HCN1: variants seen among roughly 807,000 people sequenced by gnomAD.
HCN1 encodes hyperpolarization activated cyclic nucleotide gated potassium channel 1.
In HCN1, 13 loss-of-function variants were observed where a neutral mutation model predicts 78.9. The observed-to-expected ratio is 0.16, with a 90% CI of 0.11 to 0.26. The LOEUF (loss-of-function observed/expected upper bound fraction) is 0.26, where lower values mean the gene tolerates loss of function less well. Ranked by LOEUF, HCN1 falls within the 10% of genes least tolerant of loss-of-function variation. HCN1 has a pLI of 1.00. For missense variants in HCN1, 810 were observed against 1,154.3 expected, an observed-to-expected ratio of 0.70 and a Z score of 4.32; for synonymous variants, 552 against 455.5, an observed-to-expected ratio of 1.21 and a Z score of -2.70.
chr5:45,437,268 A>G (rs1410915741), intron 3 of HCN1, among the ~76,000 whole-genome samples: 1 of 152,208 alleles, frequency 6.6e-6, no homozygotes, highest in African/African-American at 2.4e-5. Flanking sequence ...TATCATAGCC[A>G]TCAACATAAA....
chr5:45,276,752 T>G (rs897357541), intron 6 of HCN1, among the ~76,000 whole-genome samples: 1 of 152,122 alleles, frequency 6.6e-6, no homozygotes, highest in Admixed American at 6.6e-5. Context: ...AGACTTTATG[T>G]AAATTCAAAT....
intron 6 of HCN1, among the ~76,000 whole-genome samples, chr5:45,281,600 T>C (rs1732990752): frequency 7.1e-6 from 1 of 140,712 alleles, no homozygotes; most frequent in African/African-American, 2.7e-5. Flanking sequence ...TTTTTTTTTT[T>C]TTTTTTGAGA....
intron 2 of HCN1, among the ~76,000 whole-genome samples, chr5:45,603,136 C>T (rs1299060603): frequency 6.6e-6 from 1 of 152,064 alleles, no homozygotes; most frequent in Admixed American, 6.6e-5. Context: ...GAAAACACAA[C>T]CTATAATATT....
rs190767320 is a variant in HCN1, at chr5:45,482,649, G to A, written c.850-20642C>T. On this transcript the variant is annotated intron_variant, in intron 2 of 7. Transcript: ENST00000303230. ...TTTGTTTTAGATACAGGGGGTACATGTGCAGGTTTGTTACATTGGAATATT... is the reference window on the plus strand; with the variant it reads ...TTTGTTTTAGATACAGGGGGTACATATGCAGGTTTGTTACATTGGAATATT... Among the ~76,000 whole-genome samples, 36 of 152,192 alleles carry A rather than the reference G, an allele frequency of 2.4e-4. No individual in the cohort carries two copies. The East Asian group carries it at 6.8e-3, about 29-fold the overall frequency.
At chr5:45,477,427 G>A (rs566197011) in intron 2 of HCN1, among the ~76,000 whole-genome samples, 32 of 152,200 alleles carry the variant, frequency 2.1e-4, no homozygotes, top group Non-Finnish European at 2.6e-4. Context: ...AAGCCAGTAT[G>A]AGCACTTTTA....
At chr5:45,376,743 C>T (rs905301745) in intron 4 of HCN1, among the ~76,000 whole-genome samples, 3 of 151,832 alleles carry the variant, frequency 2.0e-5, no homozygotes, top group Admixed American at 6.6e-5. Flanking sequence ...TCAGCAATTT[C>T]CTTGTGTCAC....
intron 1 of HCN1, among the ~76,000 whole-genome samples, chr5:45,673,764 C>T (rs904208902): frequency 6.6e-6 from 1 of 151,468 alleles, no homozygotes; most frequent in African/African-American, 2.4e-5. Flanking sequence ...TTAAAATAGA[C>T]CCCTTAATCA....
intron 5 of HCN1, among the ~76,000 whole-genome samples, chr5:45,321,124 A>T (rs1404641063): frequency 2.0e-5 from 3 of 151,734 alleles, no homozygotes; most frequent in Middle Eastern, 3.2e-3. Flanking sequence ...TTTCAAAGAA[A>T]TGTTTCTATT....
chr5:45,378,671 G>A (rs530900930), intron 4 of HCN1, among the ~76,000 whole-genome samples: 9 of 152,124 alleles, frequency 5.9e-5, no homozygotes, highest in Non-Finnish European at 1.2e-4. Flanking sequence ...TGTGCACAAC[G>A]TGCAGGTTTG....
chr5:45,327,252 T>C (rs1229319312), intron 5 of HCN1, among the ~76,000 whole-genome samples: 1 of 151,650 alleles, frequency 6.6e-6, no homozygotes, highest in African/African-American at 2.4e-5. Flanking sequence ...AGAAGTATGC[T>C]GAAACTAAAC....
chr5:45,472,382 T>G (rs1741408570), intron 2 of HCN1, among the ~76,000 whole-genome samples: 1 of 151,862 alleles, frequency 6.6e-6, no homozygotes, highest in South Asian at 2.1e-4. Context: ...TAATTACAGG[T>G]TTATGTGTCT....
intron 2 of HCN1, among the ~76,000 whole-genome samples, chr5:45,487,863 C>G (rs1741800164): frequency 6.6e-6 from 1 of 152,012 alleles, no homozygotes; most frequent in African/African-American, 2.4e-5. Flanking sequence ...ATCTCATTTG[C>G]TGAGCGACAG....
intron 2 of HCN1, among the ~76,000 whole-genome samples, chr5:45,627,076 C>A (rs962695286): frequency 7.2e-5 from 11 of 152,030 alleles, no homozygotes; most frequent in African/African-American, 2.2e-4. Flanking sequence ...AAATATATTT[C>A]TCAAAGTCAA....
intron 5 of HCN1, among the ~76,000 whole-genome samples, chr5:45,339,968 G>C (rs1289567244): frequency 6.6e-6 from 1 of 152,094 alleles, no homozygotes; most frequent in African/African-American, 2.4e-5. Context: ...GCCCAGGCTG[G>C]AGTGCAATGG....
At chr5:45,659,594 C>A (rs1363687833) in intron 1 of HCN1, among the ~76,000 whole-genome samples, 1 of 145,990 alleles carries the variant, frequency 6.8e-6, no homozygotes. Flanking sequence ...ATAACCAATA[C>A]AGAGAAGTGC....
intron 7 of HCN1, 52 bp from the exon 8 acceptor site, chr5:45,262,862 C>A (rs1167433049): frequency 6.3e-7 from 1 of 1,599,538 alleles, no homozygotes; most frequent in Non-Finnish European, 8.5e-7. Context: ...TGACTGATGA[C>A]AACGCCAAGT....
chr5:45,343,179 C>A (rs906218668), intron 5 of HCN1, among the ~76,000 whole-genome samples: 1 of 152,086 alleles, frequency 6.6e-6, no homozygotes, highest in Admixed American at 6.6e-5. Context: ...ACAGACATGA[C>A]AGTGGGGGAA....
intron 2 of HCN1, among the ~76,000 whole-genome samples, chr5:45,591,374 G>C (rs756266145): frequency 1.3e-5 from 2 of 152,056 alleles, no homozygotes; most frequent in African/African-American, 4.8e-5. Context: ...GTGCCATTTT[G>C]CATTCCTACC....
chr5:45,434,032 G>T (rs1740516382), intron 3 of HCN1, among the ~76,000 whole-genome samples: 1 of 152,196 alleles, frequency 6.6e-6, no homozygotes, highest in South Asian at 2.1e-4. Context: ...GTGTCCCAGT[G>T]TCAGAGAAAT....
Sources: gnomAD v4.1 joint callset for allele counts (sites outside exome capture counted in the v4.1 genomes callset) on GRCh38, gnomAD v4.1.1 for gene constraint, MANE v1.5 for transcripts, NCBI Gene and HGNC (gene_info 2026-07-23, HGNC 2026-07-21) for gene names.